Variants in DGKI observed in about 807,000 individuals in gnomAD.
The protein encoded by DGKI is DAG kinase iota.
A neutral mutation model predicts 147.5 loss-of-function variants in DGKI; 55 were observed. That is an observed-to-expected ratio of 0.37 (90% CI 0.30 to 0.47). The LOEUF is 0.47. Ranked by LOEUF, DGKI falls within the 20% of genes least tolerant of loss-of-function variation. The probability of loss-of-function intolerance (pLI) is 1.00; values close to 1 mark genes in which losing one functional copy is unlikely to be tolerated. For missense variants in DGKI, 1,007 were observed against 1,323.8 expected (o/e 0.76, Z 3.71); for synonymous variants, 469 against 477.1 (o/e 0.98, Z 0.22).
intron 6 of DGKI, among the ~76,000 whole-genome samples, chr7:137,635,384 G>A (rs1464383328): frequency 1.3e-5 from 2 of 152,134 alleles, no homozygotes; most frequent in East Asian, 3.9e-4. Context: ...TTACACTGAA[G>A]CCCCTCCGCT....
At chr7:137,637,109 C>T (rs1233805300) in intron 6 of DGKI, among the ~76,000 whole-genome samples, 1 of 152,244 alleles carries the variant, frequency 6.6e-6, no homozygotes. Context: ...GTCCGGGTAA[C>T]TCTGAAGGGC....
intron 28 of DGKI, among the ~76,000 whole-genome samples, chr7:137,442,623 G>A (rs544484474): frequency 6.6e-6 from 1 of 152,284 alleles, no homozygotes; most frequent in South Asian, 2.1e-4. Context: ...CCATTAGGTG[G>A]TCAATTGCCT....
In DGKI at chr7:137,431,887, A is replaced by T. The variant is rs74478475; in HGVS notation, c.2761+12190T>A. ...CAATTACTCAGAATGATACAAGTTG[A>T]TACGGTTTGGATCCGTGTCCCCACC... On this transcript the variant is annotated intron_variant, in intron 28 of 32. Coordinates refer to ENST00000614521, the MANE Select transcript of DGKI (RefSeq NM_001321708.2). 2.6e-5 allele frequency among the ~76,000 whole-genome samples: 4 copies of T among 152,290 alleles called. No homozygotes were observed. In the East Asian group the frequency reaches 5.8e-4, roughly 22 times the overall value.
At chr7:137,414,044 T>G (rs1242735283) in intron 28 of DGKI, among the ~76,000 whole-genome samples, 1 of 152,236 alleles carries the variant, frequency 6.6e-6, no homozygotes, top group Non-Finnish European at 1.5e-5. Context: ...GATATTTTAT[T>G]CCTATTTGAG....
rs1563040127 is a variant in DGKI, at chr7:137,472,331, A to ATATATACATATAATTATATG, written c.2374-2713_2374-2712insCATATAATTATATGTATATA. Among the ~76,000 whole-genome samples, 20 of 2,554 alleles carry ATATATACATATAATTATATG rather than the reference A, an allele frequency of 7.8e-3. 3 individuals are homozygous for ATATATACATATAATTATATG. Among genetic ancestry groups the ATATATACATATAATTATATG allele is most frequent in the African/African-American group, 0.01 (19 of 1,814 alleles). The allele number at this position is 2,554 out of a possible 152,430, so 1.7% of individuals were successfully genotyped here. On this transcript the variant is annotated intron_variant, in intron 23 of 32. Coordinates refer to ENST00000614521, the MANE Select transcript of DGKI (RefSeq NM_001321708.2). ...GTATATACATATAATTATTATATGT[A>ATATATACATATAATTATATG]TATATACATATAATTATTATATGTA...
At chr7:137,487,579 G>A in intron 22 of DGKI, 31 bp downstream of exon 22, 1 of 1,578,158 alleles carries the variant, frequency 6.3e-7, no homozygotes. Context: ...GGAAAGTTGA[G>A]GAGAATAAAA....
At chr7:137,652,201 A>G (rs898756317) in intron 5 of DGKI, among the ~76,000 whole-genome samples, 6 of 152,292 alleles carry the variant, frequency 3.9e-5, no homozygotes, top group East Asian at 3.9e-4. Context: ...ATGAAAATAT[A>G]TAAAAGAAAG....
intron 32 of DGKI, among the ~76,000 whole-genome samples, chr7:137,393,797 G>T (rs758675880): frequency 8.5e-5 from 13 of 152,148 alleles, no homozygotes; most frequent in Non-Finnish European, 1.9e-4. Context: ...CTCATGGGTT[G>T]CCAGGAAAGT....
chr7:137,747,411 G>A (rs746881921), intron 1 of DGKI, among the ~76,000 whole-genome samples: 1 of 152,130 alleles, frequency 6.6e-6, no homozygotes, highest in Non-Finnish European at 1.5e-5. Context: ...ACATAAGGCC[G>A]ATTCACACTT....
At chr7:137,660,446 G>A (rs969825626) in intron 3 of DGKI, among the ~76,000 whole-genome samples, 4 of 152,202 alleles carry the variant, frequency 2.6e-5, no homozygotes, top group African/African-American at 9.7e-5. Context: ...CATGCTGCAG[G>A]CCCTGCTGGC....
chr7:137,676,681 TG>T (rs1823049712), intron 3 of DGKI, among the ~76,000 whole-genome samples: 1 of 152,226 alleles, frequency 6.6e-6, no homozygotes. Flanking sequence ...AGAAGGAAAC[TG>T]GGAACGTTCT....
At chr7:137,722,314 C>T (rs561015432) in intron 1 of DGKI, 31 of 1,612,650 alleles carry the variant, frequency 1.9e-5, no homozygotes, top group African/African-American at 5.3e-5. Flanking sequence ...GGTTAAACTT[C>T]GCAAAATGCC....
At chr7:137,631,789 G>A (rs1821130162) in intron 6 of DGKI, among the ~76,000 whole-genome samples, 1 of 152,176 alleles carries the variant, frequency 6.6e-6, no homozygotes, top group Non-Finnish European at 1.5e-5. Context: ...CTGTGACAGA[G>A]GAAGAAGCAA....
intron 1 of DGKI, among the ~76,000 whole-genome samples, chr7:137,733,246 C>T (rs929393924): frequency 2.6e-5 from 4 of 152,150 alleles, no homozygotes; most frequent in African/African-American, 9.6e-5. Flanking sequence ...ACTCCTCATT[C>T]CTTCCTCCAT....
chr7:137,426,907 T>A (rs1324193409), intron 28 of DGKI, among the ~76,000 whole-genome samples: 1 of 151,918 alleles, frequency 6.6e-6, no homozygotes, highest in Non-Finnish European at 1.5e-5. Context: ...AAGCAAGTCC[T>A]GAGTGACCTA....
chr7:137,786,620 C>T (rs1796677932), intron 1 of DGKI, among the ~76,000 whole-genome samples: 1 of 151,018 alleles, frequency 6.6e-6, no homozygotes, highest in African/African-American at 2.4e-5. Context: ...AAAAACAATC[C>T]TAAAATTCAT....
intron 21 of DGKI, among the ~76,000 whole-genome samples, chr7:137,515,841 A>G (rs1816727825): frequency 6.6e-6 from 1 of 152,074 alleles, no homozygotes; most frequent in South Asian, 2.1e-4. Flanking sequence ...TTATTATTAT[A>G]TTTTTAATAA....
chr7:137,773,596 C>A (rs1796276906), intron 1 of DGKI, among the ~76,000 whole-genome samples: 1 of 152,064 alleles, frequency 6.6e-6, no homozygotes, highest in Admixed American at 6.5e-5. Flanking sequence ...GAAGCCAATT[C>A]AGAAAAATTC....
chr7:137,544,237 T>C (rs562881891), intron 20 of DGKI, among the ~76,000 whole-genome samples: 1 of 152,198 alleles, frequency 6.6e-6, no homozygotes, highest in Non-Finnish European at 1.5e-5. Context: ...GACTATCATA[T>C]GCATTTCTGC....
Sources: gnomAD v4.1 joint callset for allele counts (sites outside exome capture counted in the v4.1 genomes callset) on GRCh38, gnomAD v4.1.1 for gene constraint, MANE v1.5 for transcripts, NCBI Gene and HGNC (gene_info 2026-07-23, HGNC 2026-07-21) for gene names.